CCNF: variants seen among roughly 807,000 people sequenced by gnomAD.
CCNF encodes the protein cyclin F, also known as cyclin-F.
CCNF carries 30 observed loss-of-function variants against 85.4 expected under a neutral mutation model. The observed-to-expected ratio is 0.35, with a 90% CI of 0.26 to 0.48. The LOEUF is 0.48. Ranked by LOEUF, CCNF falls within the 20% of genes least tolerant of loss-of-function variation. CCNF has a pLI of 0.99. For synonymous variants in CCNF, 439 were observed against 425.1 expected, an observed-to-expected ratio of 1.03 and a Z score of -0.40; for missense variants, 919 against 1,010.4, an observed-to-expected ratio of 0.91 and a Z score of 1.23.
chr16:2,431,704 G>T (rs1039437747), intron 2 of CCNF, among the ~76,000 whole-genome samples: 1 of 149,528 alleles, frequency 6.7e-6, no homozygotes, highest in Non-Finnish European at 1.5e-5. Flanking sequence ...AAAAAGGAGG[G>T]CAAAAAGGAA....
At chr16:2,434,960 T>C (rs1431316331) in intron 3 of CCNF, among the ~76,000 whole-genome samples, 7 of 152,242 alleles carry the variant, frequency 4.6e-5, no homozygotes, top group Non-Finnish European at 1.0e-4. Flanking sequence ...TTACATGTTA[T>C]TAAGAAATGT....
chr16:2,453,123 G>T lies in CCNF; in HGVS notation c.1488-87G>T. 15 of 1,109,802 alleles carry T rather than the reference G, an allele frequency of 1.4e-5. No homozygotes were observed. The South Asian group carries it at 1.9e-4, about 14-fold the overall frequency. 68.7% of individuals were successfully genotyped at this position (1,109,802 alleles called of 1,614,324 possible). On this transcript the variant is annotated intron_variant, in intron 13 of 16. Coordinates refer to ENST00000397066, the MANE Select transcript of CCNF (RefSeq NM_001761.3). This position sits in a 1 kb window ranked among gnomAD's most constrained non-coding sequence, Gnocchi z 5.6. The stretch of plus-strand genomic sequence containing the variant: ...GATTCCAGAGTGACTGCACCATTTT[G>T]CATTCTCATTGCTCACTTCAGTGAA...
At position 2,442,880 on chromosome 16, in the gene CCNF, A is replaced by G. The variant is rs1288163006; in HGVS notation, c.778-769A>G. ...TATATTATATTATATATATTATATT[A>G]TAATTATATATTATATATTATATAA... On this transcript the variant is annotated intron_variant, in intron 8 of 16. Coordinates refer to ENST00000397066, the MANE Select transcript of CCNF (RefSeq NM_001761.3). Among the ~76,000 whole-genome samples the G allele has an allele frequency of 2.9e-4, 9 of 31,024 alleles. No individual in the cohort carries two copies. The African/African-American group carries it at 3.5e-3, about 12-fold the overall frequency. 20.4% of individuals were successfully genotyped at this position (31,024 alleles called of 152,430 possible).
rs1567381477 is a variant in CCNF, at chr16:2,431,008, C to G, written c.17-122C>G. The G allele has an allele frequency of 4.8e-6, 5 of 1,035,590 alleles. No individual in the cohort carries two copies. The South Asian group carries it at 6.3e-5, about 13-fold the overall frequency. The allele number at this position is 1,035,590 out of a possible 1,614,324, so 64.2% of individuals were successfully genotyped here. On this transcript the variant is annotated intron_variant, in intron 1 of 16. Coordinates refer to ENST00000397066, the MANE Select transcript of CCNF (RefSeq NM_001761.3). ...AAGCATAGTTCCATCTTTTGTGGCA[C>G]AGGGAATAGTAACCATTAGATCATC...
Position 2,443,500 on chromosome 16 carries a change from C to G in CCNF, c.778-149C>G, listed in dbSNP as rs2141822871. On this transcript the variant is annotated intron_variant, in intron 8 of 16. Coordinates refer to ENST00000397066, the MANE Select transcript of CCNF (RefSeq NM_001761.3). Reference sequence around the variant, plus strand: ...AAAGGAATAATAATTAAAACCTGAGCCATCCTTGTTCCCGAAGCTTGTGAA... The same window carrying G: ...AAAGGAATAATAATTAAAACCTGAGGCATCCTTGTTCCCGAAGCTTGTGAA... The G allele has an allele frequency of 7.9e-6, 5 of 631,516 alleles. No homozygotes were observed. In the East Asian group the frequency reaches 1.1e-4, roughly 13 times the overall value. The allele number at this position is 631,516 out of a possible 1,614,324, so 39.1% of individuals were successfully genotyped here.
chr16:2,456,726 C>T lies in CCNF; in HGVS notation c.2067C>T (p.Thr689=), dbSNP rs369719151. Residue 689 remains threonine (T), a synonymous_variant, in exon 17 of 17, where the codon ACC becomes ACT. Coordinates refer to ENST00000397066, the MANE Select transcript of CCNF (RefSeq NM_001761.3). This position sits in a 1 kb window ranked among gnomAD's most constrained non-coding sequence, Gnocchi z 4.5. Reference sequence around the variant, plus strand: ...CTGGACCCAAACCCCTGGTCCGCACCAGCCGGGAGCCAGGGAAGGACGTCA... The same window carrying T: ...CTGGACCCAAACCCCTGGTCCGCACTAGCCGGGAGCCAGGGAAGGACGTCA... ...ATPGPKPLVR[T]SREPGKDVTT... is the part of the protein sequence containing the mutation. 5.6e-6 allele frequency: 9 copies of T among 1,612,322 alleles called. No individual in the cohort carries two copies. In the African/African-American group the frequency reaches 1.1e-4, roughly 19 times the overall value.
intron 8 of CCNF, among the ~76,000 whole-genome samples, chr16:2,442,091 C>T (rs190345807): frequency 2.1e-4 from 31 of 145,292 alleles, no homozygotes; most frequent in South Asian, 2.1e-4. Context: ...CCACAAGCTC[C>T]GCCTCCTGGG....
rs1226873649 is a variant in CCNF, at chr16:2,452,828, G to A, written c.1488-382G>A. ...CTTCTGTGTCTAGGTGATTTCCCTC[G>A]CGGTAACGTTTGCTGGGTTTGTCCA... On this transcript the variant is annotated intron_variant, in intron 13 of 16. Transcript: ENST00000397066. The surrounding 1 kb of genome is among the most constrained non-coding windows in gnomAD (Gnocchi z 4.1). 4 of 239,320 alleles carry A rather than the reference G, an allele frequency of 1.7e-5. No individual in the cohort carries two copies. Among genetic ancestry groups the A allele is most frequent in the East Asian group, 1.1e-4 (1 of 9,276 alleles). The allele number at this position is 239,320 out of a possible 1,614,324, so 14.8% of individuals were successfully genotyped here. A position where few individuals can be genotyped will look rare whatever the true frequency, so the allele number is the denominator to read the frequency against.
chr16:2,435,990 C>T (rs955844133), intron 4 of CCNF, 117 bp downstream of exon 4: 2 of 648,744 alleles, frequency 3.1e-6, no homozygotes, highest in Non-Finnish European at 5.5e-6. Flanking sequence ...ATCCGATGGC[C>T]TGCCTCCCCA....
In CCNF at chr16:2,457,951, A is replaced by C. The variant is rs1194462858; in HGVS notation, c.*931A>C. The C allele has an allele frequency of 6.6e-6, 1 of 152,244 alleles. No homozygotes were observed. Among genetic ancestry groups the C allele is most frequent in the African/African-American group, 2.4e-5 (1 of 41,458 alleles). 9.4% of individuals were successfully genotyped at this position (152,244 alleles called of 1,614,324 possible). ...TCCTCTGTAACATCTGAGGTGACCA[A>C]GAGGCAGAAGAGCAGAGCAGTCGGG... On this transcript the variant is annotated 3_prime_UTR_variant, in exon 17 of 17. Coordinates refer to ENST00000397066, the MANE Select transcript of CCNF (RefSeq NM_001761.3).
chr16:2,437,576 A>C, intron 5 of CCNF: 1 of 446,518 alleles, frequency 2.2e-6, no homozygotes, highest in Non-Finnish European at 4.0e-6. Context: ...CTGAGGCTGC[A>C]TGGGGCAGTG....
chr16:2,448,342 C>T (rs571101799), intron 10 of CCNF, among the ~76,000 whole-genome samples: 2 of 152,296 alleles, frequency 1.3e-5, no homozygotes, highest in East Asian at 1.9e-4. Context: ...AGCCTTGCTG[C>T]TTTCTGTCTG....
intron 4 of CCNF, 122 bp downstream of exon 4, chr16:2,435,995 T>C: frequency 1.6e-6 from 1 of 614,630 alleles, no homozygotes; most frequent in Non-Finnish European, 2.9e-6. Flanking sequence ...ATGGCCTGCC[T>C]CCCCATTCCC....
chr16:2,451,675 C>G lies in CCNF; in HGVS notation c.1488-1535C>G, dbSNP rs1392590522. 6.6e-6 allele frequency among the ~76,000 whole-genome samples: 1 copy of G among 152,140 alleles called. No homozygotes were observed. The highest frequency in any genetic ancestry group is 1.5e-5 in the Non-Finnish European group (1 of 68,032). On this transcript the variant is annotated intron_variant, in intron 13 of 16. Coordinates refer to ENST00000397066, the MANE Select transcript of CCNF (RefSeq NM_001761.3). The surrounding 1 kb of genome is among the most constrained non-coding windows in gnomAD (Gnocchi z 4.3). Reference sequence around the variant, plus strand: ...AAGGGATTCTTTTGTGTCAGCCTCCCGAGTAGCAGAAACCACAGGCACCAG... The same window carrying G: ...AAGGGATTCTTTTGTGTCAGCCTCCGGAGTAGCAGAAACCACAGGCACCAG...
intron 15 of CCNF, among the ~76,000 whole-genome samples, chr16:2,454,254 G>A (rs2065411977): frequency 6.6e-6 from 1 of 152,156 alleles, no homozygotes; most frequent in South Asian, 2.1e-4. Context: ...GGGAGCCCTG[G>A]GGAAGCAGCC....
chr16:2,455,351 C>T (rs1308137523), intron 15 of CCNF, 44 bp from the exon 16 acceptor site: 1 of 1,510,270 alleles, frequency 6.6e-7, no homozygotes, highest in African/African-American at 1.4e-5. Flanking sequence ...CCTCCCAGCG[C>T]CGCCGTCCAT....
chr16:2,457,407 G>T lies in CCNF; in HGVS notation c.*387G>T, dbSNP rs1033419609. On this transcript the variant is annotated 3_prime_UTR_variant, in exon 17 of 17. Coordinates refer to ENST00000397066, the MANE Select transcript of CCNF (RefSeq NM_001761.3). ...TCACGCTTAAGGCACGTGTGACCTG[G>T]GTAGTCAGACACCACTTGAGCCCCT... is the stretch of plus-strand genomic sequence containing the variant. The T allele has an allele frequency of 3.6e-5, 6 of 168,618 alleles. No individual in the cohort carries two copies. In the South Asian group the frequency reaches 9.5e-4, roughly 27 times the overall value. The allele number at this position is 168,618 out of a possible 1,614,324, so 10.4% of individuals were successfully genotyped here. A position where few individuals can be genotyped will look rare whatever the true frequency, so the allele number is the denominator to read the frequency against.
intron 1 of CCNF, 73 bp downstream of exon 1, chr16:2,429,570 T>C: frequency 8.3e-7 from 1 of 1,205,564 alleles, no homozygotes; most frequent in African/African-American, 1.6e-5. Context: ...GGACGGTGGG[T>C]CCCGCGGGAG....
chr16:2,455,424 G>C lies in CCNF; in HGVS notation c.1745G>C (p.Arg582Thr). Residue 582 changes from arginine to threonine, a missense_variant, in exon 16 of 17, where the codon AGA (arginine) becomes ACA (threonine). Physicochemically the swap from Arg to Thr is moderately conservative, Grantham distance 71. Around this residue, in one of 3 missense-constraint regions of CCNF, gnomAD observed 505 missense variants for 514.8 expected, o/e 0.98. Transcript: ENST00000397066. The part of the protein sequence containing the change: ...RKRENSLQED[R>T]GSFVTTPTAE... ...CGGGAGAACAGCCTCCAGGAAGACA[G>C]AGGCAGCTTCGTTACCACCCCCACT... 6.3e-7 allele frequency: 1 copy of C among 1,589,678 alleles called. No individual in the cohort carries two copies. The highest frequency in any genetic ancestry group is 8.6e-7 in the Non-Finnish European group (1 of 1,160,722).
Sources: gnomAD v4.1 joint callset for allele counts (sites outside exome capture counted in the v4.1 genomes callset) on GRCh38, gnomAD v4.1.1 for gene constraint, gnomAD v4.1.1 regional missense constraint, Gnocchi (gnomAD v3.1) non-coding constraint, MANE v1.5 for transcripts, NCBI Gene and HGNC (gene_info 2026-07-23, HGNC 2026-07-21) for gene names.